Variants in SCD5 observed in about 807,000 individuals in gnomAD.
SCD5 encodes stearoyl-CoA desaturase 5.
In SCD5, 20 loss-of-function variants were observed where a neutral mutation model predicts 30.4. The ratio of observed to expected loss-of-function variants is 0.66; its 90% CI spans 0.46 to 0.96. The LOEUF (loss-of-function observed/expected upper bound fraction) is 0.96, where lower values mean the gene tolerates loss of function less well. Among genes scored for constraint, SCD5 ranks in the 40% least tolerant of loss-of-function variants. The probability of loss-of-function intolerance (pLI) is 0.00; values close to 1 mark genes in which losing one functional copy is unlikely to be tolerated. For missense variants in SCD5, 381 were observed against 443.3 expected (o/e 0.86, Z 1.26); for synonymous variants, 173 against 176.4 (o/e 0.98, Z 0.16).
intron 1 of SCD5, among the ~76,000 whole-genome samples, chr4:82,778,377 C>T (rs1434726813): frequency 6.6e-6 from 1 of 152,236 alleles, no homozygotes; most frequent in Non-Finnish European, 1.5e-5. Flanking sequence ...CTGTAATGAA[C>T]TGTCACAAAG....
At chr4:82,738,419 T>TA (rs763775893) in intron 1 of SCD5, among the ~76,000 whole-genome samples, 3 of 151,922 alleles carry the variant, frequency 2.0e-5, no homozygotes, top group Non-Finnish European at 4.4e-5. Context: ...AGACTCCGTT[T>TA]AAAAAAAAAG....
chr4:82,685,935 T>C (rs920217189), intron 2 of SCD5, among the ~76,000 whole-genome samples: 1 of 152,140 alleles, frequency 6.6e-6, no homozygotes, highest in Non-Finnish European at 1.5e-5. Context: ...CTTGCCGCAT[T>C]TCAAGTGCTC....
chr4:82,631,237 CT>C lies in SCD5; in HGVS notation c.*89del, dbSNP rs1401391231. ...TCGTTCCTTCCCCACCCTCTGCCCC[CT>C]CCCACGATCCAATGTACAAGAGAGC... is the stretch of plus-strand genomic sequence containing the variant. On this transcript the variant is annotated 3_prime_UTR_variant, in exon 5 of 5. Coordinates refer to ENST00000319540, the MANE Select transcript of SCD5 (RefSeq NM_001037582.3). 1.7e-6 allele frequency: 2 copies of C among 1,147,242 alleles called. No homozygotes were observed. Among genetic ancestry groups the C allele is most frequent in the African/African-American group, 3.1e-5 (2 of 64,618 alleles). The allele number at this position is 1,147,242 out of a possible 1,614,324, so 71.1% of individuals were successfully genotyped here.
intron 1 of SCD5, among the ~76,000 whole-genome samples, chr4:82,707,757 G>A (rs1008534920): frequency 6.6e-6 from 1 of 152,176 alleles, no homozygotes; most frequent in Admixed American, 6.5e-5. Flanking sequence ...CTACATGAGT[G>A]AGCTTGGAAG....
At chr4:82,756,294 G>A (rs554647792) in intron 1 of SCD5, among the ~76,000 whole-genome samples, 7 of 152,326 alleles carry the variant, frequency 4.6e-5, no homozygotes, top group African/African-American at 1.4e-4. Context: ...GACCAGTCAG[G>A]ACAGGCATGG....
At chr4:82,652,538 A>T (rs1050245680) in intron 3 of SCD5, among the ~76,000 whole-genome samples, 2 of 152,198 alleles carry the variant, frequency 1.3e-5, no homozygotes, top group African/African-American at 2.4e-5. Context: ...TTACTAAGTC[A>T]ACTTCTCAGA....
At chr4:82,649,846 T>C (rs998956244) in intron 3 of SCD5, among the ~76,000 whole-genome samples, 10 of 152,142 alleles carry the variant, frequency 6.6e-5, no homozygotes, top group Non-Finnish European at 1.5e-4. Flanking sequence ...TCTCCCTGTA[T>C]CTTTGAGGGT....
Position 82,798,471 on chromosome 4 carries a change from C to T in SCD5, c.67G>A (p.Gly23Arg). ...CCGCCGCCCTCAGAGCTTTCGAGCC[C>T]GGCACGGATTTCTTCCTTGGCGTCG... ...FCDAKEEIRA[G>R]LESSEGGGGP... The change falls in exon 1 of 5, where the codon GGG becomes AGG. Residue 23 changes from glycine (G) to arginine (R), a missense_variant. Physicochemically the swap from Gly to Arg is moderately radical, Grantham distance 125 (BLOSUM62 -2). Coordinates refer to ENST00000319540, the MANE Select transcript of SCD5 (RefSeq NM_001037582.3). 6.2e-7 allele frequency: 1 copy of T among 1,612,780 alleles called. No homozygotes were observed. Among genetic ancestry groups the T allele is most frequent in the Non-Finnish European group, 8.5e-7 (1 of 1,179,456 alleles).
At chr4:82,751,741 C>T (rs932901592) in intron 1 of SCD5, among the ~76,000 whole-genome samples, 1 of 152,186 alleles carries the variant, frequency 6.6e-6, no homozygotes, top group Non-Finnish European at 1.5e-5. Flanking sequence ...ATTCTCCTGC[C>T]TCAGCCTACC....
intron 1 of SCD5, among the ~76,000 whole-genome samples, chr4:82,711,937 G>A (rs1331078359): frequency 6.6e-6 from 1 of 151,812 alleles, no homozygotes; most frequent in Non-Finnish European, 1.5e-5. Flanking sequence ...AAAGGACTAT[G>A]GTGTGAGATC....
intron 1 of SCD5, among the ~76,000 whole-genome samples, chr4:82,750,623 A>C (rs1365011220): frequency 3.3e-5 from 5 of 152,022 alleles, no homozygotes; most frequent in Admixed American, 2.6e-4. Flanking sequence ...TGCCAGCCAC[A>C]AGAGAGCTGC....
At chr4:82,766,424 AG>A (rs775123673) in intron 1 of SCD5, among the ~76,000 whole-genome samples, 6 of 152,192 alleles carry the variant, frequency 3.9e-5, no homozygotes, top group African/African-American at 4.8e-5. Context: ...CATCTCTAGA[AG>A]TTTAATTTGG....
chr4:82,664,999 C>CTCTCTCTCTCTCTCTCTATA (rs1219554314), intron 3 of SCD5, among the ~76,000 whole-genome samples: 5 of 70,480 alleles, frequency 7.1e-5, no homozygotes, highest in South Asian at 7.3e-4. Context: ...CTCTCTCTCT[C>CTCTCTCTCTCTCTCTCTATA]TATATATATA....
chr4:82,743,624 C>T (rs958237555), intron 1 of SCD5, among the ~76,000 whole-genome samples: 7 of 152,082 alleles, frequency 4.6e-5, no homozygotes, highest in South Asian at 2.1e-4. Context: ...CAGGCTTGAG[C>T]GACCCTCCCA....
intron 2 of SCD5, among the ~76,000 whole-genome samples, chr4:82,685,130 C>A (rs1389586605): frequency 6.6e-6 from 1 of 152,046 alleles, no homozygotes; most frequent in Non-Finnish European, 1.5e-5. Flanking sequence ...TTGATTATTC[C>A]TGATAAAAAA....
intron 3 of SCD5, among the ~76,000 whole-genome samples, chr4:82,641,714 T>C (rs1202623118): frequency 1.3e-5 from 2 of 152,138 alleles, no homozygotes; most frequent in Non-Finnish European, 2.9e-5. Context: ...GAGGGTCTCA[T>C]AGGAGGCTGT....
rs1417192634 is a variant in SCD5 at position 82,680,696 on chromosome 4, C to G, written c.569+11G>C. 6.2e-7 allele frequency: 1 copy of G among 1,613,796 alleles called. No individual in the cohort carries two copies. Among genetic ancestry groups the G allele is most frequent in the Admixed American group, 1.7e-5 (1 of 60,024 alleles). On this transcript the variant is annotated intron_variant, in intron 3 of 4. Transcript: ENST00000319540. ...CTGAGGGACAGCTCTCCGTCATGCC[C>G]ATTCACTTACTTTCTCTGGATCCGG...
chr4:82,713,965 G>A (rs1034675670), intron 1 of SCD5, among the ~76,000 whole-genome samples: 4 of 152,062 alleles, frequency 2.6e-5, no homozygotes, highest in African/African-American at 9.7e-5. Flanking sequence ...TCTGAGCCTG[G>A]GTACTCTATG....
chr4:82,662,011 G>C (rs2148817027), intron 3 of SCD5, among the ~76,000 whole-genome samples: 1 of 152,300 alleles, frequency 6.6e-6, no homozygotes, highest in East Asian at 1.9e-4. Context: ...TGAAGAGACA[G>C]TGTCTTTGTC....
Sources: gnomAD v4.1 joint callset for allele counts (sites outside exome capture counted in the v4.1 genomes callset) on GRCh38, gnomAD v4.1.1 for gene constraint, MANE v1.5 for transcripts, NCBI Gene and HGNC (gene_info 2026-07-23, HGNC 2026-07-21) for gene names.